MAP3K4: variants seen among roughly 807,000 people sequenced by gnomAD.
MAP3K4 encodes the protein MAP three kinase 1.
Under a neutral mutation model 185.6 loss-of-function variants are expected in MAP3K4, and 67 were observed. The observed-to-expected ratio is 0.36, with a 90% CI of 0.30 to 0.44. MAP3K4 has a LOEUF of 0.44. Among genes scored for constraint, MAP3K4 ranks in the 20% least tolerant of loss-of-function variants. The probability of loss-of-function intolerance (pLI) is 1.00; values close to 1 mark genes in which losing one functional copy is unlikely to be tolerated. For synonymous variants in MAP3K4, 702 were observed against 710.4 expected (o/e 0.99, Z 0.19); for missense variants, 1,551 against 1,995.1 (o/e 0.78, Z 4.24).
rs760274536 is a variant in MAP3K4 at position 161,022,089 on chromosome 6, T to A, written c.153-12170T>A. Reference sequence around the variant, plus strand: ...CCGTTCCCTAGTTTGAAAGGCTGTTTTCTATTTCAACACACGCACACCGGC... The same window carrying A: ...CCGTTCCCTAGTTTGAAAGGCTGTTATCTATTTCAACACACGCACACCGGC... On this transcript the variant is annotated intron_variant, in intron 1 of 26. Transcript: ENST00000392142. This position sits in a 1 kb window ranked among gnomAD's most constrained non-coding sequence, Gnocchi z 4.2. 5.9e-5 allele frequency: 9 copies of A among 152,184 alleles called. No homozygotes were observed. The highest frequency in any genetic ancestry group is 1.3e-4 in the Non-Finnish European group (9 of 68,028). The allele number at this position is 152,184 out of a possible 1,614,324, so 9.4% of individuals were successfully genotyped here.
chr6:161,071,343 CA>C lies in MAP3K4; in HGVS notation c.1950+494del, dbSNP rs1193400152. 6.6e-6 allele frequency among the ~76,000 whole-genome samples: 1 copy of C among 152,086 alleles called. No homozygotes were observed. Among genetic ancestry groups the C allele is most frequent in the African/African-American group, 2.4e-5 (1 of 41,418 alleles). On this transcript the variant is annotated intron_variant, in intron 4 of 26. Transcript: ENST00000392142. The surrounding 1 kb of genome is among the most constrained non-coding windows in gnomAD (Gnocchi z 4.6). ...TTACGGATGTTTGATATCCCAGGAG[CA>C]GCAGCGGAATGGGTGGAAGCAGTTG...
chr6:161,102,618 C>T, intron 18 of MAP3K4, 81 bp from the exon 19 acceptor site: 2 of 917,442 alleles, frequency 2.2e-6, no homozygotes, highest in Non-Finnish European at 1.6e-6. Flanking sequence ...TGCTTTTAAC[C>T]ATTACCTTTC....
chr6:161,005,602 T>C (rs1445695364), intron 1 of MAP3K4, among the ~76,000 whole-genome samples: 6 of 152,178 alleles, frequency 3.9e-5, no homozygotes, highest in Non-Finnish European at 8.8e-5. Context: ...AAATAAAGTT[T>C]GTCAGATAAT....
intron 1 of MAP3K4, among the ~76,000 whole-genome samples, chr6:161,000,575 T>G (rs984377000): frequency 6.6e-6 from 1 of 152,240 alleles, no homozygotes; most frequent in Non-Finnish European, 1.5e-5. Context: ...GGATTGGCAT[T>G]ATGTGAATAA....
intron 1 of MAP3K4, among the ~76,000 whole-genome samples, chr6:160,997,172 G>C (rs1415327402): frequency 2.0e-5 from 3 of 151,936 alleles, no homozygotes; most frequent in Admixed American, 1.3e-4. Flanking sequence ...TCAGTGGTAC[G>C]GTACATTTTT....
In MAP3K4 at chr6:161,037,019, A is replaced by C. The variant is rs1167084682; in HGVS notation, c.343+2570A>C. 6.6e-6 allele frequency among the ~76,000 whole-genome samples: 1 copy of C among 152,204 alleles called. No individual in the cohort carries two copies. The highest frequency in any genetic ancestry group is 2.1e-4 in the South Asian group (1 of 4,830). On this transcript the variant is annotated intron_variant, in intron 2 of 26. Transcript: ENST00000392142. This position sits in a 1 kb window ranked among gnomAD's most constrained non-coding sequence, Gnocchi z 4.2. ...GGCTCAGAGAAGTTTTACGGCTTTCAATTTTAAATGTCTCAGTCACATGTA... is the reference window on the plus strand; with the variant it reads ...GGCTCAGAGAAGTTTTACGGCTTTCCATTTTAAATGTCTCAGTCACATGTA...
At chr6:161,090,013 G>A (rs552229534) in intron 11 of MAP3K4, among the ~76,000 whole-genome samples, 7 of 152,232 alleles carry the variant, frequency 4.6e-5, no homozygotes, top group African/African-American at 1.7e-4. Context: ...TGTATCCCAT[G>A]TATCAGTCTT....
In MAP3K4 at chr6:161,105,830, G is replaced by T. The variant is rs974985892; in HGVS notation, c.3857-684G>T. ...TGGAGAACCATGAACTAAGTTTTTT[G>T]GTTTTTTGTTTTTTTTTTTTTTTGA... On this transcript the variant is annotated intron_variant, in intron 19 of 26. Coordinates refer to ENST00000392142, the MANE Select transcript of MAP3K4 (RefSeq NM_005922.4). 9.8e-5 allele frequency among the ~76,000 whole-genome samples: 11 copies of T among 112,002 alleles called. No individual in the cohort carries two copies. The South Asian group carries it at 2.8e-3, about 28-fold the overall frequency. The allele number at this position is 112,002 out of a possible 152,430, so 73.5% of individuals were successfully genotyped here. A position where few individuals can be genotyped will look rare whatever the true frequency, so the allele number is the denominator to read the frequency against.
At chr6:161,069,320 C>T (rs183861540) in intron 3 of MAP3K4, among the ~76,000 whole-genome samples, 19 of 152,012 alleles carry the variant, frequency 1.2e-4, no homozygotes, top group South Asian at 2.1e-4. Flanking sequence ...CTGTTGGGGG[C>T]GAGAAGAAAG....
At chr6:161,092,335 T>A (rs180702857) in intron 13 of MAP3K4, among the ~76,000 whole-genome samples, 192 bp downstream of exon 13, 3,933 of 152,272 alleles carry the variant, frequency 0.026, 60 homozygotes, top group Non-Finnish European at 0.037. Flanking sequence ...AATTTTTTTT[T>A]AAATTTGTTC....
At chr6:161,081,915 C>G (rs1017470850) in intron 6 of MAP3K4, among the ~76,000 whole-genome samples, 1 of 152,186 alleles carries the variant, frequency 6.6e-6, no homozygotes, top group African/African-American at 2.4e-5. Context: ...TCCTAGACCC[C>G]ATTGCATTTT....
chr6:161,101,627 C>T lies in MAP3K4; in HGVS notation c.3675-265C>T, dbSNP rs557207606. The T allele has an allele frequency of 6.6e-6, 2 of 302,030 alleles. No homozygotes were observed. Among genetic ancestry groups the T allele is most frequent in the Non-Finnish European group, 1.2e-5 (2 of 162,294 alleles). 18.7% of individuals were successfully genotyped at this position (302,030 alleles called of 1,614,324 possible). ...AGCCCTCCTTCCAGACTCTAGAGCTCTAACAGACTCCAGAGGACGGTCTCC... is the reference window on the plus strand; with the variant it reads ...AGCCCTCCTTCCAGACTCTAGAGCTTTAACAGACTCCAGAGGACGGTCTCC... On this transcript the variant is annotated intron_variant, in intron 17 of 26. Coordinates refer to ENST00000392142, the MANE Select transcript of MAP3K4 (RefSeq NM_005922.4). The surrounding 1 kb of genome is among the most constrained non-coding windows in gnomAD (Gnocchi z 5.1).
In MAP3K4 at chr6:161,022,101, A is replaced by T. The variant is rs1782426705; in HGVS notation, c.153-12158A>T. 6.6e-6 allele frequency: 1 copy of T among 152,218 alleles called. No individual in the cohort carries two copies. The highest frequency in any genetic ancestry group is 2.4e-5 in the African/African-American group (1 of 41,452). The allele number at this position is 152,218 out of a possible 1,614,324, so 9.4% of individuals were successfully genotyped here. The stretch of plus-strand genomic sequence containing the variant: ...TTGAAAGGCTGTTTTCTATTTCAAC[A>T]CACGCACACCGGCACACACCCAGGC... On this transcript the variant is annotated intron_variant, in intron 1 of 26. Coordinates refer to ENST00000392142, the MANE Select transcript of MAP3K4 (RefSeq NM_005922.4). The surrounding 1 kb of genome is among the most constrained non-coding windows in gnomAD (Gnocchi z 4.2).
intron 1 of MAP3K4, among the ~76,000 whole-genome samples, chr6:160,995,054 C>T (rs546251147): frequency 2.4e-4 from 37 of 152,300 alleles, no homozygotes; most frequent in African/African-American, 8.9e-4. Context: ...AGTTTACATT[C>T]CCACCAGCAG....
intron 3 of MAP3K4, among the ~76,000 whole-genome samples, chr6:161,055,180 G>A (rs1213592171): frequency 6.6e-6 from 1 of 152,130 alleles, no homozygotes; most frequent in East Asian, 1.9e-4. Context: ...GTGCTTGTAT[G>A]GTGACCCTTC....
Position 161,108,779 on chromosome 6 carries a change from G to A in MAP3K4, c.4156G>A (p.Glu1386Lys). ...ACCTAATGACCATAAGACTATCAAGGAAACTGCAGACGAATTGAAAATATT... is the reference window on the plus strand; with the variant it reads ...ACCTAATGACCATAAGACTATCAAGAAAACTGCAGACGAATTGAAAATATT... The part of the protein sequence containing the change: ...FQPNDHKTIK[E>K]TADELKIFEG... Residue 1386 changes from glutamate (E) to lysine (K), a missense_variant, in exon 22 of 27, where the codon GAA (glutamate) becomes AAA (lysine). By Grantham distance (56) the Glu-to-Lys change is moderately conservative (BLOSUM62 1). Coordinates refer to ENST00000392142, the MANE Select transcript of MAP3K4 (RefSeq NM_005922.4). This position sits in a 1 kb window ranked among gnomAD's most constrained non-coding sequence, Gnocchi z 5.7. 1 of 1,614,008 alleles carries A rather than the reference G, an allele frequency of 6.2e-7. No individual in the cohort carries two copies.
rs748491905 is a variant in MAP3K4, at chr6:161,098,343, C to CTGCTGT, written c.3595_3596insTTGCTG (p.Ala1198_Ala1199insValAla). 23 of 1,613,072 alleles carry CTGCTGT rather than the reference C, an allele frequency of 1.4e-5. No individual in the cohort carries two copies. In the South Asian group the frequency reaches 1.4e-4, roughly 10 times the overall value. On this transcript the variant is annotated inframe_insertion, in exon 17 of 27. Transcript: ENST00000392142. This position sits in a 1 kb window ranked among gnomAD's most constrained non-coding sequence, Gnocchi z 4.4. ...CCTGCTGCTGCTGCTGCTGCTGCTGCTGCTGCTGTTGCTGCCAGTCGGCCC... is the reference window on the plus strand; with the variant it reads ...CCTGCTGCTGCTGCTGCTGCTGCTGCTGCTGTTGCTGCTGTTGCTGCCAGTCGGCCC...
Position 161,093,113 on chromosome 6 carries a change from T to C in MAP3K4, c.3348+57T>C, listed in dbSNP as rs1358952174. On this transcript the variant is annotated intron_variant, in intron 14 of 26. Coordinates refer to ENST00000392142, the MANE Select transcript of MAP3K4 (RefSeq NM_005922.4). This position sits in a 1 kb window ranked among gnomAD's most constrained non-coding sequence, Gnocchi z 5.2. ...AAAATAAGCCAGTCACTCCTTATTT[T>C]CTGGTTGTATATGTTTTATATGTAA... 8.4e-7 allele frequency: 1 copy of C among 1,185,602 alleles called. No individual in the cohort carries two copies. Among genetic ancestry groups the C allele is most frequent in the Admixed American group, 1.9e-5 (1 of 53,772 alleles). The allele number at this position is 1,185,602 out of a possible 1,614,324, so 73.4% of individuals were successfully genotyped here. A position where few individuals can be genotyped will look rare whatever the true frequency, so the allele number is the denominator to read the frequency against.
At chr6:161,055,040 A>G (rs999011908) in intron 3 of MAP3K4, among the ~76,000 whole-genome samples, 1 of 152,106 alleles carries the variant, frequency 6.6e-6, no homozygotes, top group Non-Finnish European at 1.5e-5. Flanking sequence ...CTGTAATACC[A>G]GTTCTTCTAG....
Sources: allele counts gnomAD v4.1 joint callset (sites outside exome capture counted in the v4.1 genomes callset), GRCh38; gene constraint gnomAD v4.1.1; non-coding constraint Gnocchi (gnomAD v3.1); transcripts MANE v1.5; gene names NCBI Gene and HGNC (gene_info 2026-07-23, HGNC 2026-07-21).